Variants in MED27 observed in about 807,000 individuals in gnomAD.
MED27 encodes mediator of RNA polymerase II transcription subunit 27.
In MED27, 30 loss-of-function variants were observed where a neutral mutation model predicts 38.2. That is an observed-to-expected ratio of 0.79 (90% CI 0.59 to 1.07). MED27 has a LOEUF of 1.07. Among genes scored for constraint, MED27 ranks in the 50% least tolerant of loss-of-function variants. The pLI is 0.00. For synonymous variants in MED27, 122 were observed against 153.5 expected (o/e 0.79, Z 1.52); for missense variants, 289 against 397.5 (o/e 0.73, Z 2.32).
chr9:132,058,510 T>C (rs1833629222), intron 2 of MED27, among the ~76,000 whole-genome samples: 1 of 152,150 alleles, frequency 6.6e-6, no homozygotes, highest in African/African-American at 2.4e-5. Flanking sequence ...CCCCCTTTGC[T>C]CAGCACTTCT....
chr9:132,053,311 C>T (rs1037101918), intron 2 of MED27, among the ~76,000 whole-genome samples: 1 of 151,382 alleles, frequency 6.6e-6, no homozygotes, highest in Non-Finnish European at 1.5e-5. Flanking sequence ...GTTAGGCTGG[C>T]TGCTGAGAAA....
intron 2 of MED27, among the ~76,000 whole-genome samples, chr9:132,041,163 T>G (rs980211405): frequency 2.6e-5 from 4 of 152,230 alleles, no homozygotes; most frequent in African/African-American, 7.2e-5. Flanking sequence ...TGTCAACAAC[T>G]GCCTCTGTGT....
intron 3 of MED27, among the ~76,000 whole-genome samples, chr9:131,950,662 GTCAACACA>G (rs1830978198): frequency 6.6e-6 from 1 of 152,182 alleles, no homozygotes; most frequent in Admixed American, 6.5e-5. Context: ...GTCAGAAACA[GTCAACACA>G]TCTGAGGAAA....
At chr9:132,072,605 C>T (rs1833965262) in intron 2 of MED27, among the ~76,000 whole-genome samples, 1 of 151,888 alleles carries the variant, frequency 6.6e-6, no homozygotes, top group Non-Finnish European at 1.5e-5. Flanking sequence ...TCAAGGCTAA[C>T]CAGGGCAGTC....
At chr9:131,869,443 GCCGAGGTTCGGTC>G in intron 6 of MED27, 1 of 973,464 alleles carries the variant, frequency 1.0e-6, no homozygotes, top group Non-Finnish European at 1.2e-6. Context: ...CTCTGTGGCA[GCCGAGGTTCGGTC>G]CCATTGTGCG....
intron 6 of MED27, among the ~76,000 whole-genome samples, chr9:131,877,567 C>A (rs562408351): frequency 6.6e-6 from 1 of 152,052 alleles, no homozygotes; most frequent in African/African-American, 2.4e-5. Context: ...CAGAGTGGGA[C>A]CCCGTCTCAA....
rs117277919 is a variant in MED27 at position 131,893,173 on chromosome 9, C to T, written c.681+712G>A. Among the ~76,000 whole-genome samples the T allele has an allele frequency of 6.0e-3, 917 of 152,206 alleles. 6 individuals are homozygous for T. The highest frequency in any genetic ancestry group is 9.2e-3 in the Non-Finnish European group (623 of 68,002). ...AGAGTCATGAGGAAGGAAAGGCTCC[C>T]GATGGGGTGGGGAGACCAGGCTCCG... On this transcript the variant is annotated intron_variant, in intron 5 of 7. Coordinates refer to ENST00000292035, the MANE Select transcript of MED27 (RefSeq NM_004269.4).
chr9:132,038,112 G>C (rs1012079334), intron 2 of MED27, among the ~76,000 whole-genome samples: 3 of 151,418 alleles, frequency 2.0e-5, no homozygotes, highest in African/African-American at 7.3e-5. Flanking sequence ...CTTCACCAAG[G>C]CTACACTCTC....
At chr9:132,020,608 AAT>A (rs1030982873) in intron 2 of MED27, among the ~76,000 whole-genome samples, 8 of 152,200 alleles carry the variant, frequency 5.3e-5, no homozygotes, top group Non-Finnish European at 7.3e-5. Flanking sequence ...TCATTACTGA[AAT>A]ATGTTTTGTT....
intron 4 of MED27, among the ~76,000 whole-genome samples, chr9:131,918,201 C>T (rs150359414): frequency 4.5e-4 from 68 of 152,288 alleles, no homozygotes; most frequent in African/African-American, 1.1e-3. Context: ...ATCTGAATTA[C>T]GGGGCTTTCA....
intron 3 of MED27, among the ~76,000 whole-genome samples, chr9:132,004,341 C>T (rs1036338255): frequency 2.0e-5 from 3 of 152,156 alleles, no homozygotes; most frequent in African/African-American, 7.2e-5. Context: ...AGGGATTCCT[C>T]GTTTATTTCT....
At chr9:131,954,420 G>A (rs1831054587) in intron 3 of MED27, among the ~76,000 whole-genome samples, 1 of 152,152 alleles carries the variant, frequency 6.6e-6, no homozygotes, top group Non-Finnish European at 1.5e-5. Context: ...TTCTCTCAGT[G>A]GAGCCAAATC....
intron 3 of MED27, among the ~76,000 whole-genome samples, chr9:131,958,305 C>G (rs1290534130): frequency 6.7e-6 from 1 of 150,094 alleles, no homozygotes. Context: ...AGTGCAATGG[C>G]GCGATCTCAG....
chr9:131,943,465 C>T (rs1022967687), intron 3 of MED27, among the ~76,000 whole-genome samples: 6 of 152,134 alleles, frequency 3.9e-5, no homozygotes, highest in Non-Finnish European at 8.8e-5. Context: ...GCGTCTGCAG[C>T]GGGCTCTGCA....
Position 131,927,163 on chromosome 9 carries a change from A to T in MED27, c.573+12218T>A, listed in dbSNP as rs537712501. Among the ~76,000 whole-genome samples the T allele has an allele frequency of 3.3e-5, 5 of 152,346 alleles. No individual in the cohort carries two copies. The South Asian group carries it at 1.0e-3, about 32-fold the overall frequency. On this transcript the variant is annotated intron_variant, in intron 4 of 7. Coordinates refer to ENST00000292035, the MANE Select transcript of MED27 (RefSeq NM_004269.4). Reference sequence around the variant, plus strand: ...CATCTCTTCAAAGAACGGAAGCAAGATTTATTAAATCATGAGTTATTAATT... The same window carrying T: ...CATCTCTTCAAAGAACGGAAGCAAGTTTTATTAAATCATGAGTTATTAATT...
chr9:131,929,189 C>G (rs576160551), intron 4 of MED27, among the ~76,000 whole-genome samples: 1 of 152,334 alleles, frequency 6.6e-6, no homozygotes, highest in Admixed American at 6.5e-5. Flanking sequence ...GACCAAAGGG[C>G]CCTTGGGCCC....
intron 4 of MED27, among the ~76,000 whole-genome samples, chr9:131,936,352 A>AC (rs1322738294): frequency 6.6e-6 from 1 of 152,142 alleles, no homozygotes. Flanking sequence ...AGTTGGTGCT[A>AC]CCCACCTCGA....
At chr9:132,075,463 T>C (rs1377119348) in intron 2 of MED27, among the ~76,000 whole-genome samples, 2 of 152,200 alleles carry the variant, frequency 1.3e-5, no homozygotes, top group Non-Finnish European at 2.9e-5. Flanking sequence ...GATAAATGCA[T>C]ACGGATATTT....
At chr9:131,941,391 C>T (rs1383164111) in intron 3 of MED27, among the ~76,000 whole-genome samples, 1 of 152,064 alleles carries the variant, frequency 6.6e-6, no homozygotes, top group Non-Finnish European at 1.5e-5. Context: ...AACATAATGC[C>T]TTTTGTTAAA....
Sources: allele counts gnomAD v4.1 joint callset (sites outside exome capture counted in the v4.1 genomes callset), GRCh38; gene constraint gnomAD v4.1.1; transcripts MANE v1.5; gene names NCBI Gene and HGNC (gene_info 2026-07-23, HGNC 2026-07-21).